Variants in ZC3H13 observed in about 807,000 individuals in gnomAD.
The protein encoded by ZC3H13 is zinc finger CCCH domain-containing protein 13.
In ZC3H13, 64 loss-of-function variants were observed where a neutral mutation model predicts 204.1. That is an observed-to-expected ratio of 0.31 (90% CI 0.26 to 0.39). The LOEUF is 0.39. ZC3H13 is among the 10% of genes least tolerant of loss of function. The pLI, the probability that ZC3H13 is intolerant of heterozygous loss-of-function variation, is 1.00. For synonymous variants in ZC3H13, 667 were observed against 693.7 expected (o/e 0.96, Z 0.60); for missense variants, 1,833 against 2,082.7 (o/e 0.88, Z 2.33).
At chr13:46,007,505 A>G (rs934970870) in intron 7 of ZC3H13, among the ~76,000 whole-genome samples, 15 of 152,188 alleles carry the variant, frequency 9.9e-5, no homozygotes, top group Admixed American at 5.2e-4. Context: ...TTTACGTGAG[A>G]AATAACCTTC....
At chr13:45,967,068 T>C (rs1246818585) in intron 15 of ZC3H13, among the ~76,000 whole-genome samples, 7 of 152,194 alleles carry the variant, frequency 4.6e-5, no homozygotes, top group Non-Finnish European at 1.0e-4. Flanking sequence ...AATACAGTTT[T>C]AGGTAGTGTT....
chr13:45,979,816 T>C lies in ZC3H13; in HGVS notation c.1909A>G (p.Arg637Gly). Residue 637 changes from arginine (R) to glycine (G), a missense_variant, in exon 11 of 19, where the codon AGA becomes GGA. By Grantham distance (125) the Arg-to-Gly change is moderately radical (BLOSUM62 -2). This residue lies in a region of ZC3H13 where 1,574 missense variants were observed against 1,757.2 expected (regional missense o/e 0.90). Transcript: ENST00000679008. ...GERDRRDNRE[R>G]DQRPSSPIRH... ...AATAAAATTCTGTTTGACAAACCTC[T>C]CTCTCTGTTGTCACGACGGTCTCGC... 2 of 1,565,188 alleles carry C rather than the reference T, an allele frequency of 1.3e-6. No individual in the cohort carries two copies. The highest frequency in any genetic ancestry group is 1.7e-6 in the Non-Finnish European group (2 of 1,160,922).
At chr13:45,979,785 C>T (rs1054070395) in intron 11 of ZC3H13, 28 bp downstream of exon 11, 1 of 1,534,040 alleles carries the variant, frequency 6.5e-7, no homozygotes, top group Non-Finnish European at 8.7e-7. Context: ...ATATTGTTCA[C>T]TATTTAATAA....
At chr13:45,996,821 T>C (rs2040371078) in intron 8 of ZC3H13, among the ~76,000 whole-genome samples, 1 of 150,316 alleles carries the variant, frequency 6.7e-6, no homozygotes, top group Non-Finnish European at 1.5e-5. Flanking sequence ...AAAAACTGTA[T>C]GCTGAGGTTG....
intron 4 of ZC3H13, among the ~76,000 whole-genome samples, chr13:46,036,295 T>C (rs1325020222): frequency 6.6e-6 from 1 of 152,184 alleles, no homozygotes. Context: ...TAGAAATACA[T>C]TTTCAATTCA....
At chr13:46,013,275 G>T (rs972495698) in intron 5 of ZC3H13, among the ~76,000 whole-genome samples, 1 of 152,052 alleles carries the variant, frequency 6.6e-6, no homozygotes, top group Non-Finnish European at 1.5e-5. Flanking sequence ...TTAGCTGGGC[G>T]AGGTGGCGCG....
intron 7 of ZC3H13, among the ~76,000 whole-genome samples, chr13:46,009,517 A>G (rs2138631036): frequency 6.6e-6 from 1 of 152,272 alleles, no homozygotes; most frequent in African/African-American, 2.4e-5. Context: ...TAGGAACTAG[A>G]AGGAGGGAGA....
intron 8 of ZC3H13, among the ~76,000 whole-genome samples, chr13:46,001,974 A>T (rs1483559053): frequency 6.6e-6 from 1 of 151,848 alleles, no homozygotes; most frequent in East Asian, 1.9e-4. Context: ...CAACATATGG[A>T]ATAGGAAAAA....
intron 5 of ZC3H13, among the ~76,000 whole-genome samples, chr13:46,014,160 C>CT (rs893786113): frequency 1.3e-5 from 2 of 152,058 alleles, no homozygotes; most frequent in Non-Finnish European, 2.9e-5. Flanking sequence ...AATACAGCAA[C>CT]TTTTTTTAAA....
chr13:45,984,872 C>T (rs1954033723), intron 10 of ZC3H13, among the ~76,000 whole-genome samples: 1 of 152,150 alleles, frequency 6.6e-6, no homozygotes, highest in African/African-American at 2.4e-5. Context: ...GGGTCTGAAG[C>T]AAGTACAAAT....
intron 5 of ZC3H13, among the ~76,000 whole-genome samples, chr13:46,012,435 T>C (rs1277576988): frequency 3.3e-5 from 5 of 152,130 alleles, no homozygotes; most frequent in African/African-American, 9.7e-5. Context: ...GATCATATCT[T>C]AACCTTGGGA....
At chr13:46,018,470 G>A (rs2042043233) in intron 5 of ZC3H13, among the ~76,000 whole-genome samples, 1 of 151,942 alleles carries the variant, frequency 6.6e-6, no homozygotes, top group Non-Finnish European at 1.5e-5. Flanking sequence ...GAACAAGATT[G>A]CTGAGGCAGG....
chr13:45,977,467 A>G (rs1482588297), intron 11 of ZC3H13, among the ~76,000 whole-genome samples: 1 of 152,180 alleles, frequency 6.6e-6, no homozygotes, highest in Admixed American at 6.5e-5. Flanking sequence ...AAAGAATATA[A>G]GAACATCACT....
At chr13:45,963,217 C>T in intron 17 of ZC3H13, 2 of 984,686 alleles carry the variant, frequency 2.0e-6, no homozygotes, top group Non-Finnish European at 2.4e-6. Flanking sequence ...AAATCCAGAT[C>T]ATCCGGCCTT....
At position 45,968,975 on chromosome 13, in the gene ZC3H13, C is replaced by G; in HGVS notation, c.3569G>C (p.Ser1190Thr). The G allele has an allele frequency of 6.2e-7, 1 of 1,614,256 alleles. No homozygotes were observed. The highest frequency in any genetic ancestry group is 8.5e-7 in the Non-Finnish European group (1 of 1,180,044). ...GTTACTCCGATTGCTCCCGAGGCTG[C>G]TGCTCCTCTTTTGATCCATAGGCTT... ...HRKPMDQKRS[S>T]SLGSNRSNRS... is the part of the protein sequence containing the mutation. Residue 1190 changes from serine to threonine, a missense_variant, in exon 14 of 19, where the codon AGC becomes ACC. Ser to Thr is a moderately conservative substitution (Grantham distance 58, BLOSUM62 1). Transcript: ENST00000679008.
At chr13:46,046,369 T>A (rs2043954638) in intron 1 of ZC3H13, among the ~76,000 whole-genome samples, 1 of 151,976 alleles carries the variant, frequency 6.6e-6, no homozygotes, top group South Asian at 2.1e-4. Context: ...ATAAAAATAT[T>A]TTTTAAGGGC....
chr13:46,000,181 C>A (rs577637436), intron 8 of ZC3H13, among the ~76,000 whole-genome samples: 1 of 152,270 alleles, frequency 6.6e-6, no homozygotes, highest in East Asian at 1.9e-4. Flanking sequence ...CCCAGCTGCA[C>A]TGGCCCCTAA....
chr13:45,990,261 T>C (rs1215151780), intron 8 of ZC3H13, among the ~76,000 whole-genome samples: 1 of 152,142 alleles, frequency 6.6e-6, no homozygotes, highest in Non-Finnish European at 1.5e-5. Context: ...TTGCCAAATG[T>C]CCTCTACCAG....
chr13:46,010,466 G>T lies in ZC3H13; in HGVS notation c.628C>A (p.Pro210Thr). The part of the protein sequence containing the change: ...EVVRSKLSPS[P>T]SLRKSSKSPK... ...GATTTGCTAGACTTTCTTAGAGAAGGTGACGGGGACAATTTTGATCTAACC... is the reference window on the plus strand; with the variant it reads ...GATTTGCTAGACTTTCTTAGAGAAGTTGACGGGGACAATTTTGATCTAACC... Residue 210 changes from proline (P) to threonine (T), a missense_variant, in exon 7 of 19, where the codon CCT becomes ACT. Pro to Thr is a conservative substitution (Grantham distance 38, BLOSUM62 -1). This residue lies in a region of ZC3H13 where 1,574 missense variants were observed against 1,757.2 expected (regional missense o/e 0.90). Transcript: ENST00000679008. The T allele has an allele frequency of 6.2e-7, 1 of 1,613,668 alleles. No individual in the cohort carries two copies. Among genetic ancestry groups the T allele is most frequent in the Non-Finnish European group, 8.5e-7 (1 of 1,179,690 alleles).
Sources: allele counts gnomAD v4.1 joint callset (sites outside exome capture counted in the v4.1 genomes callset), GRCh38; gene constraint gnomAD v4.1.1; regional missense constraint gnomAD v4.1.1; transcripts MANE v1.5; gene names NCBI Gene and HGNC (gene_info 2026-07-23, HGNC 2026-07-21).